The following XPA variants were observed in gnomAD, a reference collection of about 807,000 sequenced individuals.
The protein encoded by XPA is XPA, DNA damage recognition and repair factor.
A neutral mutation model predicts 35.7 loss-of-function variants in XPA; 27 were observed. The ratio of observed to expected loss-of-function variants is 0.76; its 90% CI spans 0.56 to 1.04. XPA has a LOEUF of 1.04. XPA is among the 50% of genes least tolerant of loss of function. The pLI is 0.00. For missense variants in XPA, 354 were observed against 342.7 expected, an observed-to-expected ratio of 1.03 and a Z score of -0.26; for synonymous variants, 133 against 118.4, an observed-to-expected ratio of 1.12 and a Z score of -0.80.
rs1375493154 is a variant in XPA, at chr9:97,695,125, G to A, written c.173-1366C>T. Among the ~76,000 whole-genome samples, 8 of 152,180 alleles carry A rather than the reference G, an allele frequency of 5.3e-5. No homozygotes were observed. In the South Asian group the frequency reaches 1.2e-3, roughly 24 times the overall value. ...GCAATAGGAAAACTTCTAAGGTTCCGGAAGTGTACATGTCTTGATCACGAT... is the reference window on the plus strand; with the variant it reads ...GCAATAGGAAAACTTCTAAGGTTCCAGAAGTGTACATGTCTTGATCACGAT... On this transcript the variant is annotated intron_variant, in intron 1 of 5. Coordinates refer to ENST00000375128, the MANE Select transcript of XPA (RefSeq NM_000380.4).
chr9:97,662,018 G>C, the XPA span: 1 of 1,565,024 alleles, frequency 6.4e-7, no homozygotes, highest in Non-Finnish European at 8.8e-7. Flanking sequence ...ACATTTTTCT[G>C]TTTTACTATA....
the XPA span, among the ~76,000 whole-genome samples, chr9:97,667,308 A>T: frequency 6.6e-6 from 1 of 152,220 alleles, no homozygotes; most frequent in African/African-American, 2.4e-5. Context: ...CATAGTATTA[A>T]TTTAGTATTT....
intron 5 of XPA, chr9:97,682,362 G>C (rs1169544454): frequency 1.9e-6 from 1 of 518,774 alleles, no homozygotes; most frequent in Non-Finnish European, 3.8e-6. Context: ...AGCTCCTTGT[G>C]TCTAATCTCT....
chr9:97,658,009 C>T, the XPA span, among the ~76,000 whole-genome samples: 3 of 148,568 alleles, frequency 2.0e-5, no homozygotes, highest in African/African-American at 7.4e-5. Flanking sequence ...GATCATCTTG[C>T]GTTTTCTTGC....
chr9:97,688,639 C>T (rs1828790566), intron 3 of XPA, among the ~76,000 whole-genome samples: 1 of 152,174 alleles, frequency 6.6e-6, no homozygotes, highest in African/African-American at 2.4e-5. Context: ...ACTTTAACCA[C>T]TGTGTCGGTG....
intron 5 of XPA, among the ~76,000 whole-genome samples, chr9:97,679,705 G>A (rs1428338438): frequency 6.6e-6 from 1 of 152,122 alleles, no homozygotes; most frequent in African/African-American, 2.4e-5. Flanking sequence ...TGAGTGAAAG[G>A]TAAGGAATGA....
chr9:97,657,885 G>GCTCTCTCT, the XPA span, among the ~76,000 whole-genome samples: 64 of 114,008 alleles, frequency 5.6e-4, 1 homozygote, highest in African/African-American at 2.2e-3. Flanking sequence ...GCCCCGGTAA[G>GCTCTCTCT]CTCTCTCTCT....
intron 1 of XPA, among the ~76,000 whole-genome samples, chr9:97,694,247 TGTGTGTGC>T (rs1828977724): frequency 6.6e-6 from 1 of 151,758 alleles, no homozygotes; most frequent in Non-Finnish European, 1.5e-5. Flanking sequence ...GTGCGTTGTG[TGTGTGTGC>T]GTGCGCACGT....
At chr9:97,679,869 C>G (rs1048637092) in intron 5 of XPA, among the ~76,000 whole-genome samples, 1 of 152,154 alleles carries the variant, frequency 6.6e-6, no homozygotes, top group Admixed American at 6.5e-5. Context: ...GATAAATGCT[C>G]AAACACATCA....
rs958127458 is a variant in XPA, at chr9:97,696,997, A to C, written c.172+124T>G. 8.1e-5 allele frequency: 104 copies of C among 1,280,558 alleles called. 1 individual carries two copies. The South Asian group carries it at 1.5e-3, about 18-fold the overall frequency. 79.3% of individuals were successfully genotyped at this position (1,280,558 alleles called of 1,614,324 possible). ...GGATTCCCTCTCCGACTCGGGGAGA[A>C]TCTGCACACATACGCCAGCGGAGTT... On this transcript the variant is annotated intron_variant, in intron 1 of 5. Coordinates refer to ENST00000375128, the MANE Select transcript of XPA (RefSeq NM_000380.4).
chr9:97,673,971 T>G (rs902385151), downstream of XPA, among the ~76,000 whole-genome samples: 9 of 152,204 alleles, frequency 5.9e-5, 1 homozygote, highest in Non-Finnish European at 8.8e-5. Flanking sequence ...CTAGTGGTTA[T>G]TATGTGCCAG....
At chr9:97,674,039 T>A (rs769958309), downstream of XPA, among the ~76,000 whole-genome samples, 22,784 of 152,202 alleles carry the variant, frequency 0.15, 1,842 homozygotes, top group Non-Finnish European at 0.17. Context: ...GATTATGCCC[T>A]CTTTACAGAT....
the XPA span, among the ~76,000 whole-genome samples, chr9:97,663,601 C>T: frequency 1.3e-5 from 2 of 151,948 alleles, no homozygotes; most frequent in Non-Finnish European, 2.9e-5. Context: ...TCCCCTGCCT[C>T]AGCCTCCCGA....
chr9:97,697,266 C>A lies in XPA; in HGVS notation c.27G>T (p.Pro9=). MAAADGAL[P]EAAALEQPAE... ...CGGGTTGCTCTAAAGCCGCCGCCTC[C>A]GGCAAAGCCCCGTCGGCCGCCGCCA... Residue 9 remains proline, a synonymous_variant, in exon 1 of 6, where the codon CCG becomes CCT. Transcript: ENST00000375128. The A allele has an allele frequency of 6.3e-7, 1 of 1,599,166 alleles. No individual in the cohort carries two copies. Among genetic ancestry groups the A allele is most frequent in the Non-Finnish European group, 8.5e-7 (1 of 1,179,186 alleles).
the XPA span, among the ~76,000 whole-genome samples, chr9:97,657,168 G>A: frequency 4.6e-5 from 7 of 152,156 alleles, no homozygotes; most frequent in East Asian, 5.8e-4. Flanking sequence ...GGGTTTCACT[G>A]TGTTAGCTGG....
downstream of XPA, chr9:97,671,382 T>C: frequency 1.9e-6 from 1 of 539,362 alleles, no homozygotes; most frequent in East Asian, 3.1e-5. Flanking sequence ...AAATACTTCC[T>C]AACGGCAGTA....
intron 5 of XPA, among the ~76,000 whole-genome samples, chr9:97,677,752 C>CT (rs58412433): frequency 1.1e-3 from 168 of 147,944 alleles, no homozygotes; most frequent in South Asian, 4.1e-3. Context: ...TTGGGTTTTT[C>CT]TTTTTTTTTT....
At position 97,675,450 on chromosome 9, in the gene XPA, CAT is replaced by C. The variant is rs1554699256; in HGVS notation, c.809_810del (p.Tyr270Ter). The C allele has an allele frequency of 2.5e-6, 4 of 1,612,206 alleles. No homozygotes were observed. The highest frequency in any genetic ancestry group is 1.7e-5 in the Admixed American group (1 of 59,818). On this transcript the variant is annotated frameshift_variant, in exon 6 of 6. Transcript: ENST00000375128. LOFTEE classifies it high-confidence loss of function. ...TCTMCGHELT[Y>X]EKM ...ACTGAACTAAAAAATCACATTTTTT[CAT>C]ATGTCAGTTCATGGCCACACATAGT...
At position 97,687,175 on chromosome 9, in the gene XPA, T is replaced by G; in HGVS notation, c.476A>C (p.Glu159Ala). The change falls in exon 4 of 6, where the codon GAG (glutamate) becomes GCG (alanine). Residue 159 changes from glutamate to alanine, a missense_variant. By Grantham distance (107) the Glu-to-Ala change is moderately radical (BLOSUM62 -1). Transcript: ENST00000375128. ...CTTCACAATAAATTTAAGAGGTGGC[T>G]CTCTTTTTTCTAAATCACAGTCTTT... ...LLKDCDLEKR[E>A]PPLKFIVKKN... The G allele has an allele frequency of 6.2e-7, 1 of 1,612,582 alleles. No individual in the cohort carries two copies. The highest frequency in any genetic ancestry group is 8.5e-7 in the Non-Finnish European group (1 of 1,179,588).
Sources: gnomAD v4.1 joint callset for allele counts (sites outside exome capture counted in the v4.1 genomes callset) on GRCh38, gnomAD v4.1.1 for gene constraint, MANE v1.5 for transcripts, NCBI Gene and HGNC (gene_info 2026-07-23, HGNC 2026-07-21) for gene names.